KMT5A: variants seen among roughly 807,000 people sequenced by gnomAD.
The protein encoded by KMT5A is lysine methyltransferase 5A.
In KMT5A, 6 loss-of-function variants were observed where a neutral mutation model predicts 40.6. That is an observed-to-expected ratio of 0.15 (90% CI 0.08 to 0.29). The LOEUF is 0.29. KMT5A is among the 10% of genes least tolerant of loss of function. The pLI is 1.00. For missense variants in KMT5A, 308 were observed against 459.1 expected, an observed-to-expected ratio of 0.67 and a Z score of 3.01; for synonymous variants, 153 against 178.8, an observed-to-expected ratio of 0.86 and a Z score of 1.15.
intron 1 of KMT5A, chr12:123,388,860 C>CCGCG (rs912991616): frequency 1.3e-5 from 2 of 148,722 alleles, no homozygotes; most frequent in Admixed American, 6.7e-5. Flanking sequence ...CCGGGATTCG[C>CCGCG]CGCGCCCGCC....
intron 3 of KMT5A, chr12:123,391,111 A>G (rs1877286663): frequency 6.8e-6 from 2 of 295,266 alleles, no homozygotes; most frequent in African/African-American, 2.1e-5. Context: ...TTCAGGTTGT[A>G]CAGACCAGGC....
At chr12:123,407,018 CAAAAAAA>C (rs56732264) in intron 7 of KMT5A, among the ~76,000 whole-genome samples, 4 of 28,502 alleles carry the variant, frequency 1.4e-4, no homozygotes, top group Admixed American at 9.0e-4. Context: ...GACTCCCTCT[CAAAAAAA>C]AAAAAAAAAA....
At chr12:123,386,416 A>G (rs1275603158) in intron 1 of KMT5A, among the ~76,000 whole-genome samples, 1 of 151,992 alleles carries the variant, frequency 6.6e-6, no homozygotes, top group Admixed American at 6.6e-5. Context: ...GGGTTTCGCC[A>G]TGTTGGCCAG....
chr12:123,398,115 T>C (rs1453974147), intron 5 of KMT5A, among the ~76,000 whole-genome samples: 4 of 151,728 alleles, frequency 2.6e-5, no homozygotes, highest in African/African-American at 9.7e-5. Context: ...AAACCTTGTC[T>C]CTACTAAAAT....
intron 4 of KMT5A, 41 bp downstream of exon 4, chr12:123,395,307 T>C (rs1877630992): frequency 6.3e-7 from 1 of 1,584,932 alleles, no homozygotes; most frequent in African/African-American, 1.4e-5. Context: ...GTGGAGCAGT[T>C]TGGTTCCTCT....
At chr12:123,392,033 G>C (rs569171572) in intron 3 of KMT5A, among the ~76,000 whole-genome samples, 5 of 152,218 alleles carry the variant, frequency 3.3e-5, no homozygotes, top group Non-Finnish European at 7.3e-5. Flanking sequence ...TCTCTTCTGA[G>C]CCTCTGTTCT....
chr12:123,389,529 G>T lies in KMT5A; in HGVS notation c.107G>T (p.Gly36Val), dbSNP rs1250659566. 1.8e-6 allele frequency: 2 copies of T among 1,109,006 alleles called. No individual in the cohort carries two copies. Among genetic ancestry groups the T allele is most frequent in the Non-Finnish European group, 2.2e-6 (2 of 913,254 alleles). The allele number at this position is 1,109,006 out of a possible 1,614,324, so 68.7% of individuals were successfully genotyped here. ...APGPEMVERR[G>V]PGRPRTDGEN... The stretch of plus-strand genomic sequence containing the variant: ...GGCCCGGAGATGGTGGAGCGGAGGG[G>T]CCCGGGGAGGCCCCGCACCGACGGG... Residue 36 changes from glycine (G) to valine (V), a missense_variant, in exon 2 of 8, where the codon GGC becomes GTC. Transcript: ENST00000402868.
chr12:123,396,331 C>G lies in KMT5A; in HGVS notation c.510-14C>G, dbSNP rs981961456. On this transcript the variant is annotated splice_polypyrimidine_tract_variant and intron_variant, in intron 4 of 7. Coordinates refer to ENST00000402868, the MANE Select transcript of KMT5A (RefSeq NM_020382.7). The stretch of plus-strand genomic sequence containing the variant: ...GTCCTGATATTTATTTTCTCCTCTT[C>G]CCCTCTTACCCAGAGCTCAAGGAAA... 1.6e-5 allele frequency: 25 copies of G among 1,611,802 alleles called. No homozygotes were observed. The highest frequency in any genetic ancestry group is 2.1e-5 in the Non-Finnish European group (25 of 1,179,492).
rs2139160107 is a variant in KMT5A, at chr12:123,389,573, C to T, written c.132+19C>T. On this transcript the variant is annotated intron_variant, in intron 2 of 7. Transcript: ENST00000402868. ...CGACGGGGTAAGCAGGCACCCTCCCCGCACCCCTGCGGCGCGCCCGCCGGG... is the reference window on the plus strand; with the variant it reads ...CGACGGGGTAAGCAGGCACCCTCCCTGCACCCCTGCGGCGCGCCCGCCGGG... The T allele has an allele frequency of 9.3e-7, 1 of 1,077,418 alleles. No homozygotes were observed. Among genetic ancestry groups the T allele is most frequent in the Non-Finnish European group, 1.1e-6 (1 of 890,244 alleles). 66.7% of individuals were successfully genotyped at this position (1,077,418 alleles called of 1,614,324 possible).
rs890078210 is a variant in KMT5A, at chr12:123,384,301, C to T, written c.10+93C>T. On this transcript the variant is annotated intron_variant, in intron 1 of 7. Coordinates refer to ENST00000402868, the MANE Select transcript of KMT5A (RefSeq NM_020382.7). The surrounding 1 kb of genome is among the most constrained non-coding windows in gnomAD (Gnocchi z 5.7). Reference sequence around the variant, plus strand: ...GGAGGCAGCGGCTGCGGGGAGGCGTCCTCCTCGGGTGGCTCGGGGCAAGCT... The same window carrying T: ...GGAGGCAGCGGCTGCGGGGAGGCGTTCTCCTCGGGTGGCTCGGGGCAAGCT... 3 of 1,549,310 alleles carry T rather than the reference C, an allele frequency of 1.9e-6. No homozygotes were observed. Among genetic ancestry groups the T allele is most frequent in the Non-Finnish European group, 2.6e-6 (3 of 1,143,970 alleles).
intron 7 of KMT5A, among the ~76,000 whole-genome samples, chr12:123,406,346 C>T (rs28496545): frequency 0.6 from 91,674 of 151,970 alleles, 29,119 homozygotes; most frequent in East Asian, 0.7. Context: ...TGGAGTTTCA[C>T]TCTTGTTGTC....
At chr12:123,400,901 C>T (rs1211591428) in intron 5 of KMT5A, among the ~76,000 whole-genome samples, 1 of 151,892 alleles carries the variant, frequency 6.6e-6, no homozygotes, top group Non-Finnish European at 1.5e-5. Context: ...TAACCTCCGC[C>T]TCCTGGCCTG....
chr12:123,401,911 C>T (rs1232254803), intron 5 of KMT5A, among the ~76,000 whole-genome samples: 1 of 152,134 alleles, frequency 6.6e-6, no homozygotes, highest in Non-Finnish European at 1.5e-5. Context: ...AAGACAGGGT[C>T]TCACTCTGTT....
intron 3 of KMT5A, among the ~76,000 whole-genome samples, 155 bp from the exon 4 acceptor site, chr12:123,394,892 C>T (rs1314445921): frequency 6.6e-6 from 1 of 152,152 alleles, no homozygotes; most frequent in Non-Finnish European, 1.5e-5. Flanking sequence ...CTGTCATAGC[C>T]CATAGCGGAC....
intron 1 of KMT5A, among the ~76,000 whole-genome samples, chr12:123,388,222 A>G (rs745695829): frequency 3.3e-5 from 5 of 152,208 alleles, no homozygotes; most frequent in Admixed American, 6.5e-5. Flanking sequence ...GTAACCAGGA[A>G]GGGTAGTGGC....
chr12:123,404,839 A>G (rs980497849), intron 6 of KMT5A, 45 bp from the exon 7 acceptor site: 1 of 1,573,866 alleles, frequency 6.4e-7, no homozygotes, highest in Non-Finnish European at 8.6e-7. Flanking sequence ...GCACAGTGGC[A>G]TCCATTGCTA....
intron 3 of KMT5A, chr12:123,391,505 C>T (rs185881243): frequency 1.6e-4 from 24 of 152,328 alleles, no homozygotes; most frequent in African/African-American, 5.1e-4. Context: ...GCCTTGACCC[C>T]ATTTCTAAAG....
At chr12:123,386,067 C>T (rs1236376928) in intron 1 of KMT5A, among the ~76,000 whole-genome samples, 1 of 152,114 alleles carries the variant, frequency 6.6e-6, no homozygotes, top group Non-Finnish European at 1.5e-5. Context: ...TGTTTGTCAG[C>T]TCCTCCCATG....
Position 123,405,517 on chromosome 12 carries a change from CTTTTTTTTTTTTTTT to C in KMT5A, c.848+455_848+469del, listed in dbSNP as rs35093204. 4.1e-4 allele frequency among the ~76,000 whole-genome samples: 32 copies of C among 78,046 alleles called. 1 individual carries two copies. The highest frequency in any genetic ancestry group is 1.1e-3 in the Admixed American group (7 of 6,144). The allele number at this position is 78,046 out of a possible 152,430, so 51.2% of individuals were successfully genotyped here. A position where few individuals can be genotyped will look rare whatever the true frequency, so the allele number is the denominator to read the frequency against. On this transcript the variant is annotated intron_variant, in intron 7 of 7. Transcript: ENST00000402868. ...CTGTGATGCAATTATCGCCTGCTTC[CTTTTTTTTTTTTTTT>C]TTTTTTTTTTTGAATCTCGATCTGT...
Sources: allele counts gnomAD v4.1 joint callset (sites outside exome capture counted in the v4.1 genomes callset), GRCh38; gene constraint gnomAD v4.1.1; non-coding constraint Gnocchi (gnomAD v3.1); transcripts MANE v1.5; gene names NCBI Gene and HGNC (gene_info 2026-07-23, HGNC 2026-07-21).